SLC4A10: variants seen among roughly 807,000 people sequenced by gnomAD.
SLC4A10 encodes the protein sodium-driven chloride bicarbonate exchanger.
Under a neutral mutation model 137.7 loss-of-function variants are expected in SLC4A10, and 42 were observed. The ratio of observed to expected loss-of-function variants is 0.30; its 90% confidence interval spans 0.24 to 0.39. SLC4A10 has a LOEUF of 0.39. Among genes scored for constraint, SLC4A10 ranks in the 10% least tolerant of loss-of-function variants. SLC4A10 has a pLI of 1.00. For missense variants in SLC4A10, 925 were observed against 1,355.0 expected (o/e 0.68, Z 4.98); for synonymous variants, 474 against 464.1 (o/e 1.02, Z -0.27).
intron 2 of SLC4A10, among the ~76,000 whole-genome samples, chr2:161,803,919 C>T (rs1406355235): frequency 1.3e-5 from 2 of 152,130 alleles, no homozygotes; most frequent in African/African-American, 4.8e-5. Flanking sequence ...AGAGTCGAAA[C>T]TCTTGTGCCT....
At chr2:161,969,122 G>A (rs1698084640) in intron 23 of SLC4A10, among the ~76,000 whole-genome samples, 3 of 152,132 alleles carry the variant, frequency 2.0e-5, no homozygotes, top group Admixed American at 1.3e-4. Flanking sequence ...ATTTAAAGTA[G>A]GCTCACCTCT....
chr2:161,913,179 C>T (rs1234537846), intron 15 of SLC4A10, among the ~76,000 whole-genome samples: 2 of 152,158 alleles, frequency 1.3e-5, no homozygotes, highest in Admixed American at 6.5e-5. Flanking sequence ...CTGAGACACA[C>T]TGGAGTATAA....
chr2:161,656,432 A>G (rs1401849036), intron 1 of SLC4A10, among the ~76,000 whole-genome samples: 3 of 152,190 alleles, frequency 2.0e-5, no homozygotes, highest in Non-Finnish European at 4.4e-5. Context: ...TTAAATTAAA[A>G]ATATTCACAC....
At chr2:161,964,415 T>A in intron 22 of SLC4A10, 107 bp downstream of exon 22, 1 of 1,204,084 alleles carries the variant, frequency 8.3e-7, no homozygotes, top group Non-Finnish European at 1.2e-6. Flanking sequence ...TTTGAACAAT[T>A]ATTGGAAAAT....
At chr2:161,758,097 T>A (rs920247524) in intron 1 of SLC4A10, among the ~76,000 whole-genome samples, 5 of 151,958 alleles carry the variant, frequency 3.3e-5, no homozygotes, top group African/African-American at 7.2e-5. Flanking sequence ...ATATTTTTAG[T>A]ATTTGTATAA....
intron 19 of SLC4A10, among the ~76,000 whole-genome samples, chr2:161,954,767 T>C (rs560427343): frequency 6.6e-6 from 1 of 152,352 alleles, no homozygotes; most frequent in Non-Finnish European, 1.5e-5. Flanking sequence ...CAAAACTAGC[T>C]TTATAAATTT....
chr2:161,677,794 G>T (rs1238165427), intron 1 of SLC4A10, among the ~76,000 whole-genome samples: 1 of 152,146 alleles, frequency 6.6e-6, no homozygotes, highest in Non-Finnish European at 1.5e-5. Context: ...GCAAGATTTG[G>T]CACAGCTAGT....
chr2:161,892,167 G>T (rs2062992099), intron 10 of SLC4A10, among the ~76,000 whole-genome samples: 1 of 152,072 alleles, frequency 6.6e-6, no homozygotes, highest in African/African-American at 2.4e-5. Flanking sequence ...TGTCCTGGAT[G>T]AATTTGGACA....
intron 3 of SLC4A10, among the ~76,000 whole-genome samples, chr2:161,830,809 A>T (rs186207144): frequency 2.7e-3 from 408 of 152,312 alleles, no homozygotes; most frequent in African/African-American, 9.3e-3. Flanking sequence ...TAGCAAAAAG[A>T]TAGATGCAAA....
intron 1 of SLC4A10, among the ~76,000 whole-genome samples, chr2:161,671,203 G>A (rs1456588027): frequency 6.6e-6 from 1 of 152,076 alleles, no homozygotes; most frequent in East Asian, 1.9e-4. Context: ...GGACTTGAGA[G>A]GTTCTCTCCC....
At chr2:161,627,988 T>C (rs1308319575) in intron 1 of SLC4A10, among the ~76,000 whole-genome samples, 1 of 152,096 alleles carries the variant, frequency 6.6e-6, no homozygotes, top group Non-Finnish European at 1.5e-5. Flanking sequence ...TTCAAAATAT[T>C]TAATAATTGT....
At chr2:161,637,212 GAGAGAGAC>G (rs2034584823) in intron 1 of SLC4A10, among the ~76,000 whole-genome samples, 1 of 150,404 alleles carries the variant, frequency 6.6e-6, no homozygotes, top group Non-Finnish European at 1.5e-5. Context: ...AAGAGAGAGA[GAGAGAGAC>G]AGAGTCTCAC....
At chr2:161,666,675 A>T (rs1229660739) in intron 1 of SLC4A10, among the ~76,000 whole-genome samples, 1 of 151,746 alleles carries the variant, frequency 6.6e-6, no homozygotes, top group African/African-American at 2.4e-5. Context: ...ACAAATAATA[A>T]AGAGTATGAG....
chr2:161,773,427 A>G (rs4263123), intron 2 of SLC4A10, among the ~76,000 whole-genome samples: 13,183 of 151,938 alleles, frequency 0.087, 765 homozygotes, highest in African/African-American at 0.16. Context: ...AAAAGAACAA[A>G]ACTCCAAAGA....
At chr2:161,767,104 TATATATATATA>T (rs1482002457) in intron 1 of SLC4A10, among the ~76,000 whole-genome samples, 3 of 49,622 alleles carry the variant, frequency 6.0e-5, no homozygotes, top group African/African-American at 4.5e-4. Context: ...CATATATATA[TATATATATATA>T]TATATATATA....
chr2:161,817,992 AG>A (rs2125674609), intron 3 of SLC4A10, among the ~76,000 whole-genome samples: 1 of 152,140 alleles, frequency 6.6e-6, no homozygotes, highest in African/African-American at 2.4e-5. Context: ...TGAACTTTAA[AG>A]CAGTTTTTTC....
intron 1 of SLC4A10, among the ~76,000 whole-genome samples, chr2:161,724,831 G>GAAAC (rs1250293120): frequency 6.6e-6 from 1 of 152,050 alleles, no homozygotes; most frequent in African/African-American, 2.4e-5. Context: ...CCACATCACT[G>GAAAC]AAACAACTAA....
rs148002283 is a variant in SLC4A10, at chr2:161,835,791, C to A, written c.278-3998C>A. Among the ~76,000 whole-genome samples the A allele has an allele frequency of 1.7e-4, 26 of 152,270 alleles. 1 individual carries two copies. In the East Asian group the frequency reaches 4.8e-3, roughly 28 times the overall value. ...TCCTGCTGTACCTGATCTAATGCCTCCGGCCAAGTGGAAAGGTTAATATAG... is the reference window on the plus strand; with the variant it reads ...TCCTGCTGTACCTGATCTAATGCCTACGGCCAAGTGGAAAGGTTAATATAG... On this transcript the variant is annotated intron_variant, in intron 3 of 26. Transcript: ENST00000446997.
chr2:161,934,852 A>G (rs1691280573), intron 15 of SLC4A10, among the ~76,000 whole-genome samples: 1 of 151,720 alleles, frequency 6.6e-6, no homozygotes, highest in African/African-American at 2.4e-5. Context: ...TATCAGATTT[A>G]TGGTTTGTAA....
Sources: gnomAD v4.1 joint callset for allele counts (sites outside exome capture counted in the v4.1 genomes callset) on GRCh38, gnomAD v4.1.1 for gene constraint, MANE v1.5 for transcripts, NCBI Gene and HGNC (gene_info 2026-07-23, HGNC 2026-07-21) for gene names.